NRG1: variants seen among roughly 807,000 people sequenced by gnomAD.
NRG1 encodes pro-neuregulin-1, membrane-bound isoform.
In NRG1, 18 loss-of-function variants were observed where a neutral mutation model predicts 63.8. That is an observed-to-expected ratio of 0.28 (90% confidence interval 0.19 to 0.42). The LOEUF (loss-of-function observed/expected upper bound fraction) is 0.42, where lower values mean the gene tolerates loss of function less well. NRG1 is among the 10% of genes least tolerant of loss of function. NRG1 has a pLI of 1.00. For missense variants in NRG1, 762 were observed against 814.7 expected, an observed-to-expected ratio of 0.94 and a Z score of 0.79; for synonymous variants, 302 against 301.3, an observed-to-expected ratio of 1.00 and a Z score of -0.02.
chr8:31,994,315 G>A (rs955027572), intron 1 of NRG1, among the ~76,000 whole-genome samples: 7 of 151,818 alleles, frequency 4.6e-5, no homozygotes, highest in African/African-American at 1.7e-4. Flanking sequence ...TAAGCTAGAT[G>A]TTCACTTAGG....
chr8:32,727,808 G>C (rs1822583750), intron 5 of NRG1, 141 bp from the exon 6 acceptor site: 1 of 698,438 alleles, frequency 1.4e-6, no homozygotes, highest in Non-Finnish European at 2.3e-6. Context: ...TAACTTCTCT[G>C]CTATTGTTTG....
intron 7 of NRG1, chr8:32,743,333 C>A: frequency 1.8e-6 from 1 of 560,572 alleles, no homozygotes; most frequent in Non-Finnish European, 2.3e-6. Context: ...AATGAGATAT[C>A]CTGGCTTCTG....
chr8:32,100,554 T>A (rs1186108303), intron 1 of NRG1, among the ~76,000 whole-genome samples: 4 of 151,448 alleles, frequency 2.6e-5, no homozygotes, highest in African/African-American at 7.4e-5. Flanking sequence ...TTTTTTTTTT[T>A]ATAAAATGGG....
chr8:32,610,994 C>G (rs140273488), intron 3 of NRG1, among the ~76,000 whole-genome samples: 1 of 152,214 alleles, frequency 6.6e-6, no homozygotes, highest in East Asian at 1.9e-4. Context: ...GAAACCTTGA[C>G]TTAGCAATTA....
At chr8:32,557,932 A>C (rs1259546547) in intron 1 of NRG1, among the ~76,000 whole-genome samples, 2 of 152,188 alleles carry the variant, frequency 1.3e-5, no homozygotes, top group African/African-American at 4.8e-5. Flanking sequence ...TGTGTTCCCA[A>C]GTGCCCTCAA....
At chr8:32,474,613 C>T (rs537421414) in intron 1 of NRG1, among the ~76,000 whole-genome samples, 1 of 152,114 alleles carries the variant, frequency 6.6e-6, no homozygotes, top group African/African-American at 2.4e-5. Context: ...CTGCCTCAGC[C>T]TCCCAAGTAG....
At chr8:31,659,604 G>A (rs1805772684) in intron 1 of NRG1, among the ~76,000 whole-genome samples, 1 of 152,096 alleles carries the variant, frequency 6.6e-6, no homozygotes, top group African/African-American at 2.4e-5. Context: ...GAATGACTCT[G>A]AAGGGAACTT....
chr8:32,470,779 C>T (rs940781717), intron 1 of NRG1, among the ~76,000 whole-genome samples: 6 of 151,758 alleles, frequency 4.0e-5, no homozygotes, highest in African/African-American at 9.7e-5. Flanking sequence ...TGCAACCCAC[C>T]GTCTCCCTAC....
At chr8:31,816,678 A>G (rs1167632239) in intron 1 of NRG1, among the ~76,000 whole-genome samples, 1 of 152,202 alleles carries the variant, frequency 6.6e-6, no homozygotes, top group African/African-American at 2.4e-5. Context: ...TCTTAAGCTT[A>G]GTCAGCTAAT....
At chr8:32,552,490 G>A (rs1454218550) in intron 1 of NRG1, among the ~76,000 whole-genome samples, 1 of 152,114 alleles carries the variant, frequency 6.6e-6, no homozygotes, top group African/African-American at 2.4e-5. Context: ...AGCAGGCTGT[G>A]TGTTTCCCCA....
rs1364012586 is a variant in NRG1 at position 31,640,728 on chromosome 8, C to T, written c.37+1297C>T. The stretch of plus-strand genomic sequence containing the variant: ...TCAGCCGGGTGCTGTGCAAGCGGTG[C>T]GGTAAGTTCCTCGCCCTTGGGGGCG... On this transcript the variant is annotated intron_variant, in intron 1 of 10. Coordinates refer to the NRG1 transcript ENST00000519301. The surrounding 1 kb of genome is among the most constrained non-coding windows in gnomAD (Gnocchi z 6.3). 9.5e-6 allele frequency: 15 copies of T among 1,574,018 alleles called. No individual in the cohort carries two copies. The highest frequency in any genetic ancestry group is 1.9e-4 in the Middle Eastern group (1 of 5,272).
chr8:32,764,351 C>T, exon 12 of NRG1: 1 of 1,612,452 alleles, frequency 6.2e-7, no homozygotes, highest in Non-Finnish European at 8.5e-7. Context: ...AGGAAGAAAT[C>T]CAGGCCAGGC....
upstream of NRG1, among the ~76,000 whole-genome samples, chr8:32,547,654 C>A (rs955897652): frequency 1.3e-5 from 2 of 151,754 alleles, no homozygotes; most frequent in Non-Finnish European, 1.5e-5. Flanking sequence ...AGCAGGAGAG[C>A]GCAACCTAGC....
chr8:32,590,336 G>T (rs1293466634), intron 1 of NRG1, among the ~76,000 whole-genome samples: 1 of 152,052 alleles, frequency 6.6e-6, no homozygotes, highest in East Asian at 1.9e-4. Context: ...ATTGTTTCAG[G>T]GTGTGGAACT....
intron 1 of NRG1, among the ~76,000 whole-genome samples, chr8:32,346,254 CAT>C (rs1315925955): frequency 4.7e-5 from 7 of 147,882 alleles, no homozygotes; most frequent in South Asian, 4.2e-4. Context: ...AATATATTCA[CAT>C]GTTATATGAA....
intron 5 of NRG1, among the ~76,000 whole-genome samples, chr8:32,627,050 ATATTAT>A (rs71675922): frequency 6.6e-6 from 1 of 151,610 alleles, no homozygotes; most frequent in Admixed American, 6.6e-5. Flanking sequence ...GGAAAAGAAA[ATATTAT>A]TATTATTACT....
intron 1 of NRG1, among the ~76,000 whole-genome samples, chr8:32,239,465 A>G (rs924478081): frequency 6.6e-5 from 10 of 152,104 alleles, no homozygotes; most frequent in African/African-American, 2.4e-5. Context: ...AGCTAGGTGA[A>G]GAACTTCTAG....
At chr8:32,374,607 C>T (rs1809374476) in intron 1 of NRG1, among the ~76,000 whole-genome samples, 1 of 152,126 alleles carries the variant, frequency 6.6e-6, no homozygotes, top group African/African-American at 2.4e-5. Context: ...ATTAGTGATT[C>T]CCCTCTTCTG....
At chr8:32,288,305 A>G (rs570569784) in intron 1 of NRG1, among the ~76,000 whole-genome samples, 1 of 152,318 alleles carries the variant, frequency 6.6e-6, no homozygotes, top group South Asian at 2.1e-4. Context: ...GATTTTCACT[A>G]AGTCTTTTAA....
Sources: gnomAD v4.1 joint callset for allele counts (sites outside exome capture counted in the v4.1 genomes callset) on GRCh38, gnomAD v4.1.1 for gene constraint, Gnocchi (gnomAD v3.1) non-coding constraint, MANE v1.5 for transcripts, NCBI Gene and HGNC (gene_info 2026-07-23, HGNC 2026-07-21) for gene names.